NLRP13: variants seen among roughly 807,000 people sequenced by gnomAD.
NLRP13 encodes the protein NLR family pyrin domain containing 13.
Under a neutral mutation model 94.4 loss-of-function variants are expected in NLRP13, and 82 were observed. The ratio of observed to expected loss-of-function variants is 0.87; its 90% CI spans 0.73 to 1.04. The LOEUF (loss-of-function observed/expected upper bound fraction) is 1.04. Ranked by LOEUF, NLRP13 falls within the 50% of genes least tolerant of loss-of-function variation. The probability of loss-of-function intolerance (pLI) is 0.00; values close to 1 mark genes in which losing one functional copy is unlikely to be tolerated. For synonymous variants in NLRP13, 553 were observed against 464.7 expected, an observed-to-expected ratio of 1.19 and a Z score of -2.45; for missense variants, 1,426 against 1,230.8, an observed-to-expected ratio of 1.16 and a Z score of -2.37.
chr19:55,930,781 T>C (rs1444504102), intron 1 of NLRP13, among the ~76,000 whole-genome samples: 4 of 149,960 alleles, frequency 2.7e-5, no homozygotes, highest in African/African-American at 7.4e-5. Context: ...CAGTCAGTTC[T>C]TTTATAAAGT....
downstream of NLRP13, among the ~76,000 whole-genome samples, chr19:55,895,209 A>AAAAG (rs926428638): frequency 6.3e-4 from 94 of 150,272 alleles, no homozygotes; most frequent in African/African-American, 1.2e-3. Flanking sequence ...AAAAAAAAAA[A>AAAAG]AAAGAAAGAA....
chr19:55,925,529 G>A (rs1025388446), intron 1 of NLRP13, among the ~76,000 whole-genome samples: 1 of 152,140 alleles, frequency 6.6e-6, no homozygotes, highest in South Asian at 2.1e-4. Flanking sequence ...GTGTAGAACA[G>A]TACCCCACAC....
chr19:55,921,100 T>G (rs1864005122), intron 4 of NLRP13, among the ~76,000 whole-genome samples: 1 of 152,152 alleles, frequency 6.6e-6, no homozygotes, highest in African/African-American at 2.4e-5. Context: ...ATAATAGACG[T>G]TGAAGACTCA....
At chr19:55,926,444 C>T (rs1986967680) in intron 1 of NLRP13, among the ~76,000 whole-genome samples, 1 of 152,198 alleles carries the variant, frequency 6.6e-6, no homozygotes. Flanking sequence ...TGGTCACTCA[C>T]CAGGCCTAGG....
chr19:55,924,003 A>G, intron 3 of NLRP13, 24 bp from the exon 4 acceptor site: 1 of 1,589,332 alleles, frequency 6.3e-7, no homozygotes. Context: ...TGATGATGAG[A>G]TATGAAAATA....
Position 55,912,003 on chromosome 19 carries a change from T to G in NLRP13, c.1814A>C (p.His605Pro), listed in dbSNP as rs1424282931. The G allele has an allele frequency of 6.2e-7, 1 of 1,614,094 alleles. No individual in the cohort carries two copies. The highest frequency in any genetic ancestry group is 8.5e-7 in the Non-Finnish European group (1 of 1,180,026). Residue 605 changes from histidine (H) to proline (P), a missense_variant, in exon 5 of 11, where the codon CAT becomes CCT. Transcript: ENST00000342929. ...CATTACCCTGGGAGATATTTTACAATGCAAAGTATCTTCCAGTTCTCTTGC... is the reference window on the plus strand; with the variant it reads ...CATTACCCTGGGAGATATTTTACAAGGCAAAGTATCTTCCAGTTCTCTTGC... ...NIARELEDTL[H>P]CKISPRVMEE...
At chr19:55,902,291 A>AG in intron 8 of NLRP13, 86 bp from the exon 9 acceptor site, 3 of 1,032,080 alleles carry the variant, frequency 2.9e-6, no homozygotes, top group South Asian at 1.8e-5. Flanking sequence ...GCCCCCTCCG[A>AG]GCCTACACAT....
chr19:55,896,168 G>C, intron 10 of NLRP13, 49 bp from the exon 11 acceptor site: 4 of 1,590,140 alleles, frequency 2.5e-6, no homozygotes, highest in East Asian at 4.5e-5. Context: ...CTGAGACTGG[G>C]AAGTTAGAAA....
At chr19:55,915,781 C>T in intron 4 of NLRP13, among the ~76,000 whole-genome samples, 1 of 152,112 alleles carries the variant, frequency 6.6e-6, no homozygotes, top group East Asian at 1.9e-4. Flanking sequence ...TTCACTCCCA[C>T]CCCTCCATGG....
chr19:55,902,324 G>T, intron 8 of NLRP13, 119 bp from the exon 9 acceptor site: 1 of 744,180 alleles, frequency 1.3e-6, no homozygotes, highest in Non-Finnish European at 2.2e-6. Context: ...TGGACGACAA[G>T]GTCTTTCTTT....
In NLRP13 at chr19:55,926,770, C is replaced by T. The variant is rs10414601; in HGVS notation, c.320-1735G>A. On this transcript the variant is annotated intron_variant, in intron 1 of 10. Coordinates refer to ENST00000342929, the MANE Select transcript of NLRP13 (RefSeq NM_176810.2). The stretch of plus-strand genomic sequence containing the variant: ...AAGGTCCCCCCAAAAAAATGCTTTA[C>T]TGGGAAATGATTCCTACATAATTTA... 2.4e-3 allele frequency among the ~76,000 whole-genome samples: 372 copies of T among 152,244 alleles called. 3 individuals carry two copies. The highest frequency in any genetic ancestry group is 8.7e-3 in the African/African-American group (360 of 41,550).
chr19:55,923,102 C>T (rs1986874790), intron 4 of NLRP13, among the ~76,000 whole-genome samples: 1 of 152,172 alleles, frequency 6.6e-6, no homozygotes, highest in Non-Finnish European at 1.5e-5. Context: ...TGACAATCTC[C>T]ATAGGGCCAC....
downstream of NLRP13, among the ~76,000 whole-genome samples, chr19:55,894,527 T>C (rs1470501314): frequency 5.3e-5 from 8 of 152,204 alleles, no homozygotes; most frequent in African/African-American, 1.4e-4. Context: ...TCATGTTCCC[T>C]TCCTGATATA....
At chr19:55,919,902 G>C (rs760122832) in intron 4 of NLRP13, among the ~76,000 whole-genome samples, 1 of 152,036 alleles carries the variant, frequency 6.6e-6, no homozygotes, top group Non-Finnish European at 1.5e-5. Flanking sequence ...GGACAAATCT[G>C]TATGCATCAC....
chr19:55,929,682 G>A (rs1987060078), intron 1 of NLRP13, among the ~76,000 whole-genome samples: 1 of 152,130 alleles, frequency 6.6e-6, no homozygotes, highest in Admixed American at 6.5e-5. Flanking sequence ...TACATGATGG[G>A]TTGATCGGTG....
In NLRP13 at chr19:55,896,194, G is replaced by T. The variant is rs1473114379; in HGVS notation, c.2958-75C>A. On this transcript the variant is annotated intron_variant, in intron 10 of 10. Coordinates refer to ENST00000342929, the MANE Select transcript of NLRP13 (RefSeq NM_176810.2). Reference sequence around the variant, plus strand: ...AAGTTAGAAAAGAGATACCACATCTGCAGGAAAAAAACTATTACTAAAGCA... The same window carrying T: ...AAGTTAGAAAAGAGATACCACATCTTCAGGAAAAAAACTATTACTAAAGCA... 4.0e-6 allele frequency: 6 copies of T among 1,510,944 alleles called. No individual in the cohort carries two copies. In the East Asian group the frequency reaches 9.0e-5, roughly 23 times the overall value. The allele number at this position is 1,510,944 out of a possible 1,614,324, so 93.6% of individuals were successfully genotyped here. A position where few individuals can be genotyped will look rare whatever the true frequency, so the allele number is the denominator to read the frequency against.
downstream of NLRP13, among the ~76,000 whole-genome samples, chr19:55,893,602 G>A (rs1985918176): frequency 6.6e-6 from 1 of 152,084 alleles, no homozygotes; most frequent in African/African-American, 2.4e-5. Flanking sequence ...ATAGAGAAAA[G>A]GCACAACCAC....
In NLRP13 at chr19:55,913,123, C is replaced by T; in HGVS notation, c.694G>A (p.Val232Ile). ...CCAACCCCTGCCCTCCCCACCAAGACTATCGTCTGGGCCTGGGCTCTAGTC... is the reference window on the plus strand; with the variant it reads ...CCAACCCCTGCCCTCCCCACCAAGATTATCGTCTGGGCCTGGGCTCTAGTC... ...NRTRAQAQTI[V>I]LVGRAGVGKT... The change falls in exon 5 of 11, where the codon GTC becomes ATC. Residue 232 changes from valine to isoleucine, a missense_variant. Physicochemically the swap from Val to Ile is conservative, Grantham distance 29. Transcript: ENST00000342929. 6.2e-7 allele frequency: 1 copy of T among 1,614,194 alleles called. No homozygotes were observed. The highest frequency in any genetic ancestry group is 8.5e-7 in the Non-Finnish European group (1 of 1,180,034).
chr19:55,931,064 CCT>C (rs34899843), intron 1 of NLRP13, among the ~76,000 whole-genome samples: 27,537 of 150,980 alleles, frequency 0.18, 2,707 homozygotes, highest in African/African-American at 0.25. Context: ...GAAACTTTAC[CCT>C]GAGTAAAACA....
Sources: allele counts gnomAD v4.1 joint callset (sites outside exome capture counted in the v4.1 genomes callset), GRCh38; gene constraint gnomAD v4.1.1; transcripts MANE v1.5; gene names NCBI Gene and HGNC (gene_info 2026-07-23, HGNC 2026-07-21).